The following PTPRR variants were observed in gnomAD, a reference collection of about 807,000 sequenced individuals.
The protein encoded by PTPRR is protein tyrosine phosphatase receptor type R.
In PTPRR, 38 loss-of-function variants were observed where a neutral mutation model predicts 77.2. That is an observed-to-expected ratio of 0.49 (90% CI 0.38 to 0.65). The LOEUF is 0.65. Among genes scored for constraint, PTPRR ranks in the 30% least tolerant of loss-of-function variants. The pLI is 0.00. For missense variants in PTPRR, 744 were observed against 799.2 expected (o/e 0.93, Z 0.83); for synonymous variants, 299 against 283.1 (o/e 1.06, Z -0.57).
chr12:70,888,972 C>T (rs1343973453), intron 2 of PTPRR, among the ~76,000 whole-genome samples: 1 of 152,080 alleles, frequency 6.6e-6, no homozygotes, highest in African/African-American at 2.4e-5. Flanking sequence ...TAAGACATAT[C>T]CTAGGGATCT....
intron 10 of PTPRR, among the ~76,000 whole-genome samples, chr12:70,682,048 T>TC (rs892199228): frequency 7.5e-6 from 1 of 133,348 alleles, no homozygotes; most frequent in African/African-American, 2.8e-5. Flanking sequence ...TTTTTTTTTT[T>TC]TTTTTTTTTT....
intron 2 of PTPRR, among the ~76,000 whole-genome samples, chr12:70,873,271 A>G (rs560589611): frequency 6.6e-6 from 1 of 152,306 alleles, no homozygotes; most frequent in Admixed American, 6.5e-5. Context: ...ATGATGTGGA[A>G]CTGAGCCTTG....
chr12:70,807,537 T>A (rs543721747), intron 2 of PTPRR, among the ~76,000 whole-genome samples: 11 of 152,332 alleles, frequency 7.2e-5, no homozygotes, highest in African/African-American at 1.7e-4. Context: ...TTCTAAATTT[T>A]AGTTCAGTAT....
At chr12:70,881,347 C>T (rs956199161) in intron 2 of PTPRR, among the ~76,000 whole-genome samples, 1 of 152,136 alleles carries the variant, frequency 6.6e-6, no homozygotes, top group Non-Finnish European at 1.5e-5. Context: ...ATATTATTCT[C>T]AGTATTCTCT....
At chr12:70,866,165 G>A (rs1168773613) in intron 2 of PTPRR, among the ~76,000 whole-genome samples, 1 of 151,634 alleles carries the variant, frequency 6.6e-6, no homozygotes, top group Non-Finnish European at 1.5e-5. Context: ...GCTAGCAGAA[G>A]GCAAGAAATA....
intron 2 of PTPRR, among the ~76,000 whole-genome samples, chr12:70,877,611 A>T (rs1159384798): frequency 1.3e-5 from 2 of 152,188 alleles, no homozygotes; most frequent in Non-Finnish European, 2.9e-5. Flanking sequence ...ATACAAACAA[A>T]TGGAAGAACA....
intron 2 of PTPRR, among the ~76,000 whole-genome samples, chr12:70,840,461 A>C (rs971840805): frequency 2.0e-5 from 3 of 152,158 alleles, no homozygotes; most frequent in African/African-American, 7.2e-5. Context: ...ATGTAAAGCA[A>C]CACATTCGCA....
At chr12:70,719,413 C>T (rs954900237) in intron 6 of PTPRR, among the ~76,000 whole-genome samples, 3 of 152,022 alleles carry the variant, frequency 2.0e-5, no homozygotes, top group Non-Finnish European at 4.4e-5. Context: ...CAAAACGGTG[C>T]TTTATCCTAG....
chr12:70,642,390 G>A (rs189690178), intron 13 of PTPRR, among the ~76,000 whole-genome samples: 4 of 152,126 alleles, frequency 2.6e-5, no homozygotes, highest in Non-Finnish European at 2.9e-5. Context: ...ACTATCTATC[G>A]TCAATATATT....
At chr12:70,664,744 G>A (rs375260151) in intron 10 of PTPRR, 78 of 152,310 alleles carry the variant, frequency 5.1e-4, no homozygotes, top group African/African-American at 1.8e-3. Context: ...GCAATTGGCA[G>A]TCAGCTCCCA....
At chr12:70,685,281 T>C (rs760862648) in intron 8 of PTPRR, among the ~76,000 whole-genome samples, 2 of 152,024 alleles carry the variant, frequency 1.3e-5, no homozygotes, top group Non-Finnish European at 2.9e-5. Flanking sequence ...ATTAATAATC[T>C]ATTACGTGCT....
At chr12:70,882,569 C>T (rs1450479419) in intron 2 of PTPRR, among the ~76,000 whole-genome samples, 1 of 152,188 alleles carries the variant, frequency 6.6e-6, no homozygotes, top group Non-Finnish European at 1.5e-5. Context: ...TTTATAAAAA[C>T]TTTATTCTCC....
intron 13 of PTPRR, among the ~76,000 whole-genome samples, chr12:70,647,105 A>G (rs1042835172): frequency 1.2e-4 from 18 of 152,148 alleles, no homozygotes; most frequent in Non-Finnish European, 2.5e-4. Flanking sequence ...GTAAGGATGT[A>G]CAGGCAACTA....
At chr12:70,652,359 C>T (rs1435945438) in intron 13 of PTPRR, among the ~76,000 whole-genome samples, 3 of 152,110 alleles carry the variant, frequency 2.0e-5, no homozygotes. Context: ...GTTTTCTGTT[C>T]TGCTTTTCAT....
chr12:70,876,462 A>T (rs1306343440), intron 2 of PTPRR, among the ~76,000 whole-genome samples: 1 of 152,192 alleles, frequency 6.6e-6, no homozygotes, highest in Non-Finnish European at 1.5e-5. Context: ...AAAATTATGC[A>T]GCTATTTAGA....
At chr12:70,815,218 C>A (rs1261262890) in intron 2 of PTPRR, among the ~76,000 whole-genome samples, 4 of 149,970 alleles carry the variant, frequency 2.7e-5, no homozygotes, top group African/African-American at 9.8e-5. Context: ...GGATTAACAG[C>A]TGATTAGACA....
intron 6 of PTPRR, among the ~76,000 whole-genome samples, chr12:70,703,731 T>C (rs1192908034): frequency 2.0e-5 from 3 of 152,142 alleles, no homozygotes; most frequent in Non-Finnish European, 4.4e-5. Context: ...GCTTAAGGGA[T>C]GGCTAGTCCT....
chr12:70,688,137 G>C (rs929102752), intron 8 of PTPRR, among the ~76,000 whole-genome samples: 10 of 152,112 alleles, frequency 6.6e-5, no homozygotes, highest in Non-Finnish European at 1.5e-4. Flanking sequence ...TTTTTTAAGA[G>C]TGTCTTCCAG....
intron 2 of PTPRR, among the ~76,000 whole-genome samples, chr12:70,786,288 G>T (rs973129685): frequency 6.6e-6 from 1 of 152,128 alleles, no homozygotes; most frequent in Non-Finnish European, 1.5e-5. Context: ...CTTCGAAGAG[G>T]CTTTTAGGGA....
Sources: allele counts gnomAD v4.1 joint callset (sites outside exome capture counted in the v4.1 genomes callset), GRCh38; gene constraint gnomAD v4.1.1; transcripts MANE v1.5; gene names NCBI Gene and HGNC (gene_info 2026-07-23, HGNC 2026-07-21).